Variants in OCA2 observed in about 807,000 individuals in gnomAD.
The protein encoded by OCA2 is OCA2 melanosomal transmembrane protein.
In OCA2, 77 loss-of-function variants were observed where a neutral mutation model predicts 100.2. The ratio of observed to expected loss-of-function variants is 0.77; its 90% CI spans 0.64 to 0.93. The LOEUF (loss-of-function observed/expected upper bound fraction) is 0.93. Among genes scored for constraint, OCA2 ranks in the 40% least tolerant of loss-of-function variants. The probability of loss-of-function intolerance (pLI) is 0.00; values close to 1 mark genes in which losing one functional copy is unlikely to be tolerated. For synonymous variants in OCA2, 432 were observed against 439.2 expected, an observed-to-expected ratio of 0.98 and a Z score of 0.21; for missense variants, 1,062 against 1,089.1, an observed-to-expected ratio of 0.98 and a Z score of 0.35.
intron 9 of OCA2, among the ~76,000 whole-genome samples, chr15:28,009,019 T>C (rs1473001151): frequency 6.6e-6 from 1 of 152,242 alleles, no homozygotes; most frequent in African/African-American, 2.4e-5. Flanking sequence ...AGGCAAATTC[T>C]ACCCCTAGAG....
chr15:27,886,379 G>A (rs983040309), intron 19 of OCA2, among the ~76,000 whole-genome samples: 28 of 152,138 alleles, frequency 1.8e-4, no homozygotes, highest in Admixed American at 1.4e-3. Context: ...CAAACCAAAC[G>A]GCCGCTGAGA....
intron 1 of OCA2, among the ~76,000 whole-genome samples, chr15:28,093,402 A>T (rs2044905273): frequency 8.9e-6 from 1 of 112,608 alleles, no homozygotes; most frequent in Admixed American, 1.0e-4. Context: ...CAAGAGCAAA[A>T]CACCGTCTCA....
At chr15:27,891,590 T>C (rs569058842) in intron 19 of OCA2, among the ~76,000 whole-genome samples, 86 of 152,338 alleles carry the variant, frequency 5.6e-4, no homozygotes, top group East Asian at 1.5e-3. Context: ...TTATAGTACC[T>C]AATACAATGC....
At chr15:27,937,733 T>C (rs1334419813) in intron 18 of OCA2, among the ~76,000 whole-genome samples, 1 of 152,204 alleles carries the variant, frequency 6.6e-6, no homozygotes, top group Non-Finnish European at 1.5e-5. Flanking sequence ...CTACTTAAGA[T>C]TCCGTCCATT....
In OCA2 at chr15:28,047,953, G is replaced by C. The variant is rs1418312554; in HGVS notation, c.228-15790C>G. On this transcript the variant is annotated intron_variant, in intron 2 of 23. Coordinates refer to ENST00000354638, the MANE Select transcript of OCA2 (RefSeq NM_000275.3). Reference sequence around the variant, plus strand: ...GTACAATTTTCAATGCAAAATATTTGTTGTGTTGCTATACATCAGCAATGA... The same window carrying C: ...GTACAATTTTCAATGCAAAATATTTCTTGTGTTGCTATACATCAGCAATGA... Among the ~76,000 whole-genome samples, 4 of 152,256 alleles carry C rather than the reference G, an allele frequency of 2.6e-5. No homozygotes were observed. In the East Asian group the frequency reaches 7.7e-4, roughly 29 times the overall value.
At position 27,926,196 on chromosome 15, in the gene OCA2, A is replaced by G. The variant is rs750597543; in HGVS notation, c.2010T>C (p.Phe670=). 3 of 1,614,106 alleles carry G rather than the reference A, an allele frequency of 1.9e-6. No individual in the cohort carries two copies. Among genetic ancestry groups the G allele is most frequent in the Non-Finnish European group, 2.5e-6 (3 of 1,179,952 alleles). ...WLLILADIHD[F]EIILHRVEWA... ...ATTCCACTCTGTGTAGAATTATCTC[A>G]AAATCATGAATATCAGCTAAAATTA... The change falls in exon 19 of 24, where the codon TTT becomes TTC. Residue 670 remains phenylalanine (F), a synonymous_variant. Coordinates refer to ENST00000354638, the MANE Select transcript of OCA2 (RefSeq NM_000275.3).
Position 27,813,176 on chromosome 15 carries a change from G to T in OCA2, c.2432+31783C>A, listed in dbSNP as rs2034147842. Among the ~76,000 whole-genome samples the T allele has an allele frequency of 2.0e-5, 3 of 152,248 alleles. No individual in the cohort carries two copies. The South Asian group carries it at 6.2e-4, about 32-fold the overall frequency. On this transcript the variant is annotated intron_variant, in intron 23 of 23. Coordinates refer to ENST00000354638, the MANE Select transcript of OCA2 (RefSeq NM_000275.3). ...GTGGCATTGCCTCAGGAGTGTGAGA[G>T]CAAAGGGCAGAGTCCACCACAGCTC...
At chr15:27,928,904 A>G (rs2039144052) in intron 18 of OCA2, among the ~76,000 whole-genome samples, 1 of 152,218 alleles carries the variant, frequency 6.6e-6, no homozygotes, top group Admixed American at 6.5e-5. Flanking sequence ...ATCCACCTGC[A>G]AAGTTCCTTG....
intron 14 of OCA2, among the ~76,000 whole-genome samples, chr15:27,981,613 A>G (rs967075266): frequency 4.6e-5 from 7 of 152,176 alleles, no homozygotes; most frequent in Non-Finnish European, 7.4e-5. Flanking sequence ...GTGCTCCATA[A>G]ATTAAGAGGT....
chr15:28,042,050 G>T (rs2043216895), intron 2 of OCA2, among the ~76,000 whole-genome samples: 1 of 152,140 alleles, frequency 6.6e-6, no homozygotes, highest in African/African-American at 2.4e-5. Context: ...TGAGCATACA[G>T]GGGTTTGTAA....
At chr15:27,771,367 C>G (rs2031838896) in intron 23 of OCA2, among the ~76,000 whole-genome samples, 1 of 149,756 alleles carries the variant, frequency 6.7e-6, no homozygotes, top group Non-Finnish European at 1.5e-5. Context: ...TGCGAGAGGC[C>G]CCGGGGGAGA....
the OCA2 span, among the ~76,000 whole-genome samples, chr15:27,733,373 C>T: frequency 6.6e-6 from 1 of 152,316 alleles, no homozygotes; most frequent in African/African-American, 2.4e-5. Context: ...TGTCACTCCC[C>T]TGTCTCCAGC....
chr15:27,762,396 G>A (rs2030912187), intron 23 of OCA2, among the ~76,000 whole-genome samples: 1 of 152,102 alleles, frequency 6.6e-6, no homozygotes, highest in Non-Finnish European at 1.5e-5. Context: ...CTGACTGCAG[G>A]ACCTCAAAAA....
chr15:27,851,264 G>C lies in OCA2; in HGVS notation c.2338+118C>G, dbSNP rs527447999. ...AAAGCTGAATATGTGTGTCCACTCA[G>C]GAAATCATCCAGACTCTCCTTCATT... On this transcript the variant is annotated intron_variant, in intron 22 of 23. Transcript: ENST00000354638. The C allele has an allele frequency of 2.2e-5, 19 of 864,536 alleles. No individual in the cohort carries two copies. In the East Asian group the frequency reaches 5.0e-4, roughly 23 times the overall value. 53.6% of individuals were successfully genotyped at this position (864,536 alleles called of 1,614,324 possible).
At chr15:27,731,525 A>T in the OCA2 span, among the ~76,000 whole-genome samples, 1 of 152,270 alleles carries the variant, frequency 6.6e-6, no homozygotes, top group Non-Finnish European at 1.5e-5. Context: ...AAAGGAAATG[A>T]ATACATTGTG....
At chr15:27,853,766 C>G (rs1417523904) in intron 21 of OCA2, among the ~76,000 whole-genome samples, 1 of 151,958 alleles carries the variant, frequency 6.6e-6, no homozygotes. Flanking sequence ...CCCCTGGGCC[C>G]GCCATCCCGG....
At chr15:27,822,536 C>A (rs1397727679) in intron 23 of OCA2, among the ~76,000 whole-genome samples, 1 of 152,142 alleles carries the variant, frequency 6.6e-6, no homozygotes, top group Non-Finnish European at 1.5e-5. Flanking sequence ...TCCATTGTTT[C>A]ATGTCCTTAC....
At chr15:27,733,116 C>G in the OCA2 span, among the ~76,000 whole-genome samples, 1 of 152,152 alleles carries the variant, frequency 6.6e-6, no homozygotes, top group Non-Finnish European at 1.5e-5. Context: ...TTGAACTGAT[C>G]CAATTTGGTT....
At chr15:28,001,258 AACACACACACAC>A (rs529780975) in intron 9 of OCA2, among the ~76,000 whole-genome samples, 95 of 150,316 alleles carry the variant, frequency 6.3e-4, no homozygotes, top group Non-Finnish European at 1.0e-3. Flanking sequence ...TATACATACA[AACACACACACAC>A]ACACACACAT....
Sources: gnomAD v4.1 joint callset for allele counts (sites outside exome capture counted in the v4.1 genomes callset) on GRCh38, gnomAD v4.1.1 for gene constraint, MANE v1.5 for transcripts, NCBI Gene and HGNC (gene_info 2026-07-23, HGNC 2026-07-21) for gene names.